Variants in CHSY1 observed in about 807,000 individuals in gnomAD.
The protein encoded by CHSY1 is chondroitin sulfate synthase 1.
CHSY1 carries 13 observed loss-of-function variants against 59.8 expected under a neutral mutation model. That is an observed-to-expected ratio of 0.22 (90% CI 0.14 to 0.35). CHSY1 has a LOEUF of 0.35. Ranked by LOEUF, CHSY1 falls within the 10% of genes least tolerant of loss-of-function variation. CHSY1 has a pLI of 1.00. For synonymous variants in CHSY1, 459 were observed against 401.2 expected, an observed-to-expected ratio of 1.14 and a Z score of -1.72; for missense variants, 947 against 1,030.6, an observed-to-expected ratio of 0.92 and a Z score of 1.11.
rs7165361 is a variant in CHSY1 at position 101,235,715 on chromosome 15, C to T, written c.321-138G>A. ...ACTTGGCCTGCTTGGTTCCTCTTAA[C>T]GAAAGCCCAGGTTACCGCGTATTGC... On this transcript the variant is annotated intron_variant, in intron 1 of 2. Transcript: ENST00000254190. The T allele has an allele frequency of 0.22, 200,677 of 906,514 alleles. 28,196 individuals are homozygous for T. Among genetic ancestry groups the T allele is most frequent in the African/African-American group, 0.62 (37,201 of 59,746 alleles). The allele number at this position is 906,514 out of a possible 1,614,324, so 56.2% of individuals were successfully genotyped here. A position where few individuals can be genotyped will look rare whatever the true frequency, so the allele number is the denominator to read the frequency against.
intron 1 of CHSY1, among the ~76,000 whole-genome samples, chr15:101,244,537 A>C (rs2141281277): frequency 6.6e-6 from 1 of 152,348 alleles, no homozygotes; most frequent in South Asian, 2.1e-4. Context: ...CTGTAGCTTT[A>C]TTACAAAATA....
chr15:101,215,783 C>T (rs534316628), intron 2 of CHSY1, among the ~76,000 whole-genome samples: 24 of 152,198 alleles, frequency 1.6e-4, no homozygotes, highest in Non-Finnish European at 8.8e-5. Flanking sequence ...AATTCATGTA[C>T]ATCTCTTCAA....
chr15:101,177,183 C>T lies in CHSY1; in HGVS notation c.*205G>A. 1.9e-6 allele frequency: 1 copy of T among 520,610 alleles called. No homozygotes were observed. The highest frequency in any genetic ancestry group is 3.3e-6 in the Non-Finnish European group (1 of 298,602). The allele number at this position is 520,610 out of a possible 1,614,324, so 32.2% of individuals were successfully genotyped here. A position where few individuals can be genotyped will look rare whatever the true frequency, so the allele number is the denominator to read the frequency against. On this transcript the variant is annotated 3_prime_UTR_variant, in exon 3 of 3. Coordinates refer to ENST00000254190, the MANE Select transcript of CHSY1 (RefSeq NM_014918.5). The stretch of plus-strand genomic sequence containing the variant: ...TTCAAGTCAAAGTTAAGCAGGTCTG[C>T]TACATAATGTTCAGCAAGAAGATGT...
rs571695649 is a variant in CHSY1, at chr15:101,205,765, A to C, written c.817-26785T>G. On this transcript the variant is annotated intron_variant, in intron 2 of 2. Transcript: ENST00000254190. ...AGGAGATCGAGACCATCCTGGATAA[A>C]ACGGTGAAACCCCGTCTCTACTAAA... Among the ~76,000 whole-genome samples, 49 of 152,036 alleles carry C rather than the reference A, an allele frequency of 3.2e-4. No individual in the cohort carries two copies. The East Asian group carries it at 7.2e-3, about 22-fold the overall frequency.
chr15:101,225,113 C>T (rs375566498), intron 2 of CHSY1, among the ~76,000 whole-genome samples: 4 of 152,242 alleles, frequency 2.6e-5, no homozygotes, highest in Non-Finnish European at 4.4e-5. Context: ...CAGTATTCTG[C>T]CTTGGTGTGC....
Position 101,248,953 on chromosome 15 carries a change from ATTT to A in CHSY1, c.320+2181_320+2183del, listed in dbSNP as rs565187410. ...AGGCACCTGCCACCAAGCCTGGCTA[ATTT>A]TTTTTTTTTTTTTTTTTTTTGCATT... On this transcript the variant is annotated intron_variant, in intron 1 of 2. Transcript: ENST00000254190. 5.7e-3 allele frequency among the ~76,000 whole-genome samples: 632 copies of A among 111,422 alleles called. 9 individuals carry two copies. Among genetic ancestry groups the A allele is most frequent in the East Asian group, 0.028 (113 of 4,028 alleles). The allele number at this position is 111,422 out of a possible 152,430, so 73.1% of individuals were successfully genotyped here. A position where few individuals can be genotyped will look rare whatever the true frequency, so the allele number is the denominator to read the frequency against.
At chr15:101,190,640 C>T (rs1349936145) in intron 2 of CHSY1, among the ~76,000 whole-genome samples, 1 of 152,210 alleles carries the variant, frequency 6.6e-6, no homozygotes, top group African/African-American at 2.4e-5. Context: ...AACTTCTGCT[C>T]TGCAAAAGAC....
intron 2 of CHSY1, among the ~76,000 whole-genome samples, chr15:101,218,490 G>C (rs1051981505): frequency 6.6e-6 from 1 of 152,186 alleles, no homozygotes; most frequent in Non-Finnish European, 1.5e-5. Context: ...CCAGCTACTA[G>C]GGAGGCTGAG....
chr15:101,188,496 T>C (rs1299601053), intron 2 of CHSY1, among the ~76,000 whole-genome samples: 1 of 152,138 alleles, frequency 6.6e-6, no homozygotes, highest in East Asian at 1.9e-4. Flanking sequence ...ATTAGTTTTG[T>C]GTAGGCTTTG....
intron 2 of CHSY1, among the ~76,000 whole-genome samples, chr15:101,179,937 A>G (rs1419238199): frequency 6.6e-6 from 1 of 152,244 alleles, no homozygotes; most frequent in African/African-American, 2.4e-5. Context: ...AATGCAGAGT[A>G]ATAGTTTGCA....
At chr15:101,241,740 T>C (rs1313153150) in intron 1 of CHSY1, among the ~76,000 whole-genome samples, 1 of 152,216 alleles carries the variant, frequency 6.6e-6, no homozygotes, top group East Asian at 1.9e-4. Flanking sequence ...AAAGGACTCA[T>C]GATAAAATCA....
At chr15:101,225,506 T>C (rs1363422047) in intron 2 of CHSY1, among the ~76,000 whole-genome samples, 1 of 152,234 alleles carries the variant, frequency 6.6e-6, no homozygotes. Flanking sequence ...TGGGAGGAAC[T>C]GGATCATGGG....
chr15:101,227,231 G>A (rs188522867), intron 2 of CHSY1, among the ~76,000 whole-genome samples: 1 of 152,326 alleles, frequency 6.6e-6, no homozygotes, highest in East Asian at 1.9e-4. Context: ...AGCCATTAGA[G>A]GGGTCAAAGA....
intron 2 of CHSY1, among the ~76,000 whole-genome samples, chr15:101,185,170 T>C (rs2038339073): frequency 6.6e-6 from 1 of 152,222 alleles, no homozygotes; most frequent in Non-Finnish European, 1.5e-5. Flanking sequence ...GCGTGTGGAA[T>C]GGGAGATGGA....
chr15:101,230,958 G>A (rs2038886957), intron 2 of CHSY1, among the ~76,000 whole-genome samples: 1 of 152,184 alleles, frequency 6.6e-6, no homozygotes, highest in Non-Finnish European at 1.5e-5. Context: ...CCCTTAACAA[G>A]TACTTACTGG....
intron 1 of CHSY1, among the ~76,000 whole-genome samples, chr15:101,242,090 T>C (rs1012778275): frequency 1.3e-5 from 2 of 152,226 alleles, no homozygotes; most frequent in African/African-American, 4.8e-5. Flanking sequence ...TTTCAATCCA[T>C]GGATGGTGGA....
chr15:101,226,675 C>A (rs965781339), intron 2 of CHSY1, among the ~76,000 whole-genome samples: 1 of 152,152 alleles, frequency 6.6e-6, no homozygotes, highest in African/African-American at 2.4e-5. Flanking sequence ...CACCCCACCT[C>A]GCTCCACCAG....
chr15:101,232,622 T>C (rs933977166), intron 2 of CHSY1, among the ~76,000 whole-genome samples: 1 of 152,220 alleles, frequency 6.6e-6, no homozygotes, highest in Non-Finnish European at 1.5e-5. Flanking sequence ...TGGAAAAGAA[T>C]GATGCATTAG....
chr15:101,212,142 A>C (rs951028217), intron 2 of CHSY1, among the ~76,000 whole-genome samples: 1 of 152,190 alleles, frequency 6.6e-6, no homozygotes. Flanking sequence ...AATGTCTAAA[A>C]CCATAAAAGA....
Sources: gnomAD v4.1 joint callset for allele counts (sites outside exome capture counted in the v4.1 genomes callset) on GRCh38, gnomAD v4.1.1 for gene constraint, MANE v1.5 for transcripts, NCBI Gene and HGNC (gene_info 2026-07-23, HGNC 2026-07-21) for gene names.